FLACC1: variants seen among roughly 807,000 people sequenced by gnomAD.
FLACC1 encodes flagellum-associated coiled-coil domain-containing protein 1.
In FLACC1, 66 loss-of-function variants were observed where a neutral mutation model predicts 62.8. The observed-to-expected ratio is 1.05, with a 90% CI of 0.86 to 1.29. FLACC1 has a LOEUF of 1.29. Among genes scored for constraint, FLACC1 ranks in the 50% most tolerant of loss-of-function variants. The pLI, the probability that FLACC1 is intolerant of heterozygous loss-of-function variation, is 0.00. For synonymous variants in FLACC1, 156 were observed against 161.0 expected, an observed-to-expected ratio of 0.97 and a Z score of 0.24; for missense variants, 452 against 489.1, an observed-to-expected ratio of 0.92 and a Z score of 0.71.
rs1949679604 is a variant in FLACC1 at position 201,289,521 on chromosome 2, C to G, written c.1078G>C (p.Ala360Pro). Reference protein sequence around the residue: ...NLEKMLQTKFAETEEKYKHTI... With the variant: ...NLEKMLQTKFPETEEKYKHTI... The stretch of plus-strand genomic sequence containing the variant: ...TGCTTATACTTTTCTTCAGTTTCAG[C>G]AAACTTGGTTTGAAGCATTTTCTCC... The change falls in exon 14 of 15, where the codon GCT becomes CCT. Residue 360 changes from alanine to proline, a missense_variant. By Grantham distance (27) the Ala-to-Pro change is conservative (BLOSUM62 -1). Transcript: ENST00000392257. 6.2e-7 allele frequency: 1 copy of G among 1,614,224 alleles called. No homozygotes were observed. Among genetic ancestry groups the G allele is most frequent in the Non-Finnish European group, 8.5e-7 (1 of 1,180,044 alleles).
chr2:201,332,569 C>T (rs1241205558), intron 7 of FLACC1, among the ~76,000 whole-genome samples: 2 of 152,130 alleles, frequency 1.3e-5, no homozygotes, highest in African/African-American at 4.8e-5. Flanking sequence ...TCAGTGAGAA[C>T]ATTTGAAATT....
intron 9 of FLACC1, among the ~76,000 whole-genome samples, chr2:201,314,637 C>T (rs1297416684): frequency 1.3e-5 from 2 of 152,094 alleles, no homozygotes; most frequent in Non-Finnish European, 2.9e-5. Context: ...GGGAAACTTC[C>T]CCACCCTTGC....
chr2:201,324,678 T>A (rs1950469337), intron 9 of FLACC1, among the ~76,000 whole-genome samples: 1 of 152,064 alleles, frequency 6.6e-6, no homozygotes, highest in Admixed American at 6.5e-5. Context: ...CATAGCAGAA[T>A]AAAACTAAAA....
rs2110691 is a variant in FLACC1 at position 201,320,439 on chromosome 2, C to G, written c.675+10031G>C. ...TGCAGGGAACGTATATGACTCGGGA[C>G]AGTTGCAAGTTCTGAGTGCAGGCTA... On this transcript the variant is annotated intron_variant, in intron 9 of 14. Coordinates refer to ENST00000392257, the MANE Select transcript of FLACC1 (RefSeq NM_001127391.3). 2.1e-3 allele frequency among the ~76,000 whole-genome samples: 324 copies of G among 152,204 alleles called. 3 individuals carry two copies. The highest frequency in any genetic ancestry group is 7.3e-3 in the African/African-American group (304 of 41,536).
At chr2:201,323,360 A>G (rs984908072) in intron 9 of FLACC1, among the ~76,000 whole-genome samples, 2 of 152,238 alleles carry the variant, frequency 1.3e-5, no homozygotes, top group African/African-American at 4.8e-5. Flanking sequence ...CAGGTAAGCT[A>G]TAAAGGAAAA....
intron 9 of FLACC1, among the ~76,000 whole-genome samples, chr2:201,314,488 CA>C (rs1950275017): frequency 1.3e-5 from 2 of 151,906 alleles, no homozygotes; most frequent in East Asian, 1.9e-4. Context: ...CCAACAAAGA[CA>C]AAGAAAAAAG....
At chr2:201,344,077 A>T in intron 6 of FLACC1, 93 bp downstream of exon 6, 1 of 1,120,826 alleles carries the variant, frequency 8.9e-7, no homozygotes, top group Non-Finnish European at 1.3e-6. Context: ...TCATATGAGT[A>T]AAGTGCTTGG....
chr2:201,342,348 G>A, intron 7 of FLACC1, 22 bp downstream of exon 7: 1 of 1,613,572 alleles, frequency 6.2e-7, no homozygotes, highest in Middle Eastern at 1.7e-4. Flanking sequence ...ACACACACAA[G>A]GGTCCATGCC....
intron 11 of FLACC1, among the ~76,000 whole-genome samples, chr2:201,305,829 C>A (rs565864383): frequency 1.3e-5 from 2 of 151,592 alleles, no homozygotes; most frequent in Non-Finnish European, 2.9e-5. Flanking sequence ...CAAACTATTG[C>A]AAGGACAGAA....
At chr2:201,360,242 A>G (rs1426493908), upstream of FLACC1, among the ~76,000 whole-genome samples, 1 of 152,234 alleles carries the variant, frequency 6.6e-6, no homozygotes, top group African/African-American at 2.4e-5. Context: ...CCTAAAGCAA[A>G]GTGTCTTACT....
At chr2:201,299,127 T>G (rs533322964) in intron 12 of FLACC1, 111 bp downstream of exon 12, 17 of 1,081,296 alleles carry the variant, frequency 1.6e-5, no homozygotes, top group Non-Finnish European at 2.3e-5. Flanking sequence ...GGTCTTCCAT[T>G]TCTTATTGGC....
chr2:201,335,685 G>C (rs1405074187), intron 7 of FLACC1, among the ~76,000 whole-genome samples: 1 of 152,092 alleles, frequency 6.6e-6, no homozygotes, highest in Non-Finnish European at 1.5e-5. Flanking sequence ...TGAATTTTAA[G>C]ATTATTTGTT....
intron 9 of FLACC1, among the ~76,000 whole-genome samples, chr2:201,318,585 TAA>T (rs548980085): frequency 1.4e-5 from 2 of 147,472 alleles, no homozygotes; most frequent in East Asian, 3.9e-4. Context: ...AATCAAAAAA[TAA>T]AAAAAAAATA....
At chr2:201,348,826 C>T (rs935386586) in intron 3 of FLACC1, among the ~76,000 whole-genome samples, 1 of 152,116 alleles carries the variant, frequency 6.6e-6, no homozygotes, top group Non-Finnish European at 1.5e-5. Flanking sequence ...AAAATGAATA[C>T]CACATATGTG....
chr2:201,307,727 G>T (rs1210593765), intron 10 of FLACC1, 105 bp from the exon 11 acceptor site: 1 of 866,390 alleles, frequency 1.2e-6, no homozygotes, highest in African/African-American at 1.7e-5. Flanking sequence ...GACTGTGTCA[G>T]ACTCAAGGTC....
At chr2:201,292,999 C>G (rs1460923316) in intron 12 of FLACC1, among the ~76,000 whole-genome samples, 1 of 152,188 alleles carries the variant, frequency 6.6e-6, no homozygotes, top group East Asian at 1.9e-4. Context: ...GCACCCAATA[C>G]AGGAGCAGCC....
At chr2:201,337,487 T>C (rs1455468823) in intron 7 of FLACC1, among the ~76,000 whole-genome samples, 2 of 152,196 alleles carry the variant, frequency 1.3e-5, no homozygotes, top group South Asian at 2.1e-4. Context: ...TTCTGTTCCA[T>C]GCTTTATGTT....
intron 1 of FLACC1, among the ~76,000 whole-genome samples, chr2:201,353,298 T>C (rs1951062317): frequency 1.3e-5 from 2 of 152,198 alleles, no homozygotes; most frequent in African/African-American, 4.8e-5. Context: ...GAACTGTGAC[T>C]ACATGGGAAG....
chr2:201,336,658 C>T (rs1285473659), intron 7 of FLACC1, among the ~76,000 whole-genome samples: 2 of 152,146 alleles, frequency 1.3e-5, no homozygotes, highest in African/African-American at 4.8e-5. Context: ...TTCTCCACAT[C>T]CTTTGAAGAA....
Sources: allele counts gnomAD v4.1 joint callset (sites outside exome capture counted in the v4.1 genomes callset), GRCh38; gene constraint gnomAD v4.1.1; transcripts MANE v1.5; gene names NCBI Gene and HGNC (gene_info 2026-07-23, HGNC 2026-07-21).